The following AHNAK2 variants were observed in gnomAD, a reference collection of about 807,000 sequenced individuals.
The protein encoded by AHNAK2 is protein AHNAK2.
Under a neutral mutation model 30.7 loss-of-function variants are expected in AHNAK2, and 18 were observed. The observed-to-expected ratio is 0.59, with a 90% CI of 0.41 to 0.87. The LOEUF (loss-of-function observed/expected upper bound fraction) is 0.87. Ranked by LOEUF, AHNAK2 falls within the 40% of genes least tolerant of loss-of-function variation. AHNAK2 has a pLI of 0.00. For missense variants in AHNAK2, 8,604 were observed against 7,373.0 expected (o/e 1.17, Z -6.11); for synonymous variants, 3,590 against 3,073.8 (o/e 1.17, Z -5.56).
Position 104,944,818 on chromosome 14 carries a change from G to T in AHNAK2, c.10633C>A (p.Pro3545Thr), listed in dbSNP as rs746560407. Residue 3545 changes from proline to threonine, a missense_variant, in exon 7 of 7, where the codon CCC (proline) becomes ACC (threonine). Pro to Thr is a conservative substitution (Grantham distance 38, BLOSUM62 -1). Transcript: ENST00000333244. ...TTGAGGCCGGCTCCCTCGGGCACGG[G>T]GCCCTCCAGGAGTTCCACATCCACT... ...VQVDVELLEG[P>T]VPEGAGLKGH... The T allele has an allele frequency of 2.5e-6, 4 of 1,612,740 alleles. No homozygotes were observed. In the East Asian group the frequency reaches 8.9e-5, roughly 36 times the overall value.
Position 104,945,868 on chromosome 14 carries a change from G to A in AHNAK2, c.9583C>T (p.Pro3195Ser), listed in dbSNP as rs758990509. 6 of 1,329,436 alleles carry A rather than the reference G, an allele frequency of 4.5e-6. No homozygotes were observed. The highest frequency in any genetic ancestry group is 4.2e-5 in the African/African-American group (3 of 70,716). 82.4% of individuals were successfully genotyped at this position (1,329,436 alleles called of 1,614,324 possible). A position where few individuals can be genotyped will look rare whatever the true frequency, so the allele number is the denominator to read the frequency against. The stretch of plus-strand genomic sequence containing the variant: ...TGGACCTCCAGTTGGGCAGAGGGGG[G>A]CTCAATGCTGATGTCAGTGTTCTTC... ...DLKNTDISIE[P>S]PSAQLEVQAG... The change falls in exon 7 of 7, where the codon CCC (proline) becomes TCC (serine). Residue 3195 changes from proline (P) to serine (S), a missense_variant. By Grantham distance (74) the Pro-to-Ser change is moderately conservative. Coordinates refer to ENST00000333244, the MANE Select transcript of AHNAK2 (RefSeq NM_138420.4).
rs1297671194 is a variant in AHNAK2, at chr14:104,945,242, T to C, written c.10209A>G (p.Lys3403=). 1.2e-6 allele frequency: 2 copies of C among 1,612,652 alleles called. No individual in the cohort carries two copies. Among genetic ancestry groups the C allele is most frequent in the Non-Finnish European group, 8.5e-7 (1 of 1,179,470 alleles). Residue 3403 remains lysine (K), a synonymous_variant, in exon 7 of 7, where the codon AAA becomes AAG. Transcript: ENST00000333244. ...CCACCTGGGGGCTCTTGAGGTCCAC[T>C]TTGGGCATCTTGAAACTGGGCATCT... ...KVEMPSFKMP[K]VDLKSPQVDI... is the part of the protein sequence containing the mutation.
At position 104,949,437 on chromosome 14, in the gene AHNAK2, C is replaced by G. The variant is rs201724743; in HGVS notation, c.6014G>C (p.Arg2005Thr). Residue 2005 changes from arginine (R) to threonine (T), a missense_variant, in exon 7 of 7, where the codon AGG becomes ACG. Coordinates refer to ENST00000333244, the MANE Select transcript of AHNAK2 (RefSeq NM_138420.4). Reference protein sequence around the residue: ...MPSFGVSAPGRSIEASVDVPA... With the variant: ...MPSFGVSAPGTSIEASVDVPA... ...CACATCCACCGAGGCCTCGATGGAC[C>G]TCCCTGGGGCCGATACCCCGAACGA... The G allele has an allele frequency of 6.3e-7, 1 of 1,582,608 alleles. No homozygotes were observed. The highest frequency in any genetic ancestry group is 1.4e-5 in the African/African-American group (1 of 71,888).
chr14:104,958,705 T>C (rs1899049403), intron 1 of AHNAK2, among the ~76,000 whole-genome samples: 1 of 152,166 alleles, frequency 6.6e-6, no homozygotes, highest in Non-Finnish European at 1.5e-5. Flanking sequence ...GGGGGAAGAT[T>C]GTTTGAAGAA....
At chr14:104,970,334 CG>C in intron 1 of AHNAK2, 2 of 795,406 alleles carry the variant, frequency 2.5e-6, no homozygotes, top group South Asian at 5.7e-5. Flanking sequence ...AGCTGCAGGT[CG>C]GGGGATGCCT....
At position 104,950,501 on chromosome 14, in the gene AHNAK2, C is replaced by A. The variant is rs180896416; in HGVS notation, c.4950G>T (p.Ala1650=). 0.03 allele frequency: 47,999 copies of A among 1,578,078 alleles called. 5,680 individuals carry two copies. Among genetic ancestry groups the A allele is most frequent in the African/African-American group, 0.058 (4,165 of 71,264 alleles). The change falls in exon 7 of 7, where the codon GCG becomes GCT. Residue 1650 remains alanine (A), a synonymous_variant. Transcript: ENST00000333244. ...LEGDLSLADK[A]VTAKDSKFKM... ...TGAACTTGCTGTCTTTGGCAGTCAC[C>A]GCCTTGTCGGCCAGGGACAGGTCCC...
In AHNAK2 at chr14:104,944,223, A is replaced by G; in HGVS notation, c.11228T>C (p.Ile3743Thr). ...KVDLKGPQVD[I>T]KGPKLDLKVS... ...TTTTAGGTCCAGCTTGGGGCCCTTG[A>G]TGTCCACCTGGGGGCCCTTGAGGTC... Residue 3743 changes from isoleucine to threonine, a missense_variant, in exon 7 of 7, where the codon ATC becomes ACC. Physicochemically the swap from Ile to Thr is moderately conservative, Grantham distance 89. Coordinates refer to ENST00000333244, the MANE Select transcript of AHNAK2 (RefSeq NM_138420.4). The G allele has an allele frequency of 1.2e-6, 2 of 1,612,540 alleles. No individual in the cohort carries two copies. Among genetic ancestry groups the G allele is most frequent in the Non-Finnish European group, 1.7e-6 (2 of 1,179,404 alleles).
In AHNAK2 at chr14:104,946,404, G is replaced by A; in HGVS notation, c.9047C>T (p.Ser3016Phe). The part of the protein sequence containing the change: ...PKVEAEVSLP[S>F]MQGDLKTTDI... ...AGTGGTCTTCAGGTCCCCCTGCATGGAGGGGAGGCTCACTTCGGCCTCCAC... is the reference window on the plus strand; with the variant it reads ...AGTGGTCTTCAGGTCCCCCTGCATGAAGGGGAGGCTCACTTCGGCCTCCAC... Residue 3016 changes from serine to phenylalanine, a missense_variant, in exon 7 of 7, where the codon TCC (serine) becomes TTC (phenylalanine). By Grantham distance (155) the Ser-to-Phe change is radical. Coordinates refer to ENST00000333244, the MANE Select transcript of AHNAK2 (RefSeq NM_138420.4). 1 of 1,612,800 alleles carries A rather than the reference G, an allele frequency of 6.2e-7. No individual in the cohort carries two copies. The highest frequency in any genetic ancestry group is 8.5e-7 in the Non-Finnish European group (1 of 1,179,596).
In AHNAK2 at chr14:104,942,656, C is replaced by T. The variant is rs201463021; in HGVS notation, c.12795G>A (p.Glu4265=). ...PVVEVSLPSM[E]VDVEAPGAKL... Reference sequence around the variant, plus strand: ...TGGCTCCCGGGGCCTCGACGTCCACCTCCATGCTGGGCAGAGACACCTCCA... The same window carrying T: ...TGGCTCCCGGGGCCTCGACGTCCACTTCCATGCTGGGCAGAGACACCTCCA... The change falls in exon 7 of 7, where the codon GAG becomes GAA. Residue 4265 remains glutamate (E), a synonymous_variant. Transcript: ENST00000333244. The T allele has an allele frequency of 2.9e-5, 47 of 1,613,586 alleles. No individual in the cohort carries two copies. In the African/African-American group the frequency reaches 4.4e-4, roughly 15 times the overall value.
In AHNAK2 at chr14:104,947,297, C is replaced by T. The variant is rs2140841356; in HGVS notation, c.8154G>A (p.Glu2718=). 6.2e-7 allele frequency: 1 copy of T among 1,611,666 alleles called. No homozygotes were observed. The highest frequency in any genetic ancestry group is 8.5e-7 in the Non-Finnish European group (1 of 1,179,296). ...GGCCGGCTCCCTCGGGAACGTGGCCCTCTGGGAGTTTCACATCCACCTGGC... is the reference window on the plus strand; with the variant it reads ...GGCCGGCTCCCTCGGGAACGTGGCCTTCTGGGAGTTTCACATCCACCTGGC... ...QAGQVDVKLP[E]GHVPEGAGLK... The change falls in exon 7 of 7, where the codon GAG becomes GAA. Residue 2718 remains glutamate (E), a synonymous_variant. Transcript: ENST00000333244.
Position 104,943,523 on chromosome 14 carries a change from C to T in AHNAK2, c.11928G>A (p.Pro3976=), listed in dbSNP as rs778536189. 1.3e-5 allele frequency: 21 copies of T among 1,611,692 alleles called. No homozygotes were observed. The highest frequency in any genetic ancestry group is 1.1e-4 in the African/African-American group (8 of 74,270). ...TGCCTGGGGCAGACACCCCGAACGA[C>T]GGCATCTTGAACTTGGGCATTTTGA... ...SKFKMPKFKM[P]SFGVSAPGKS... The change falls in exon 7 of 7, where the codon CCG becomes CCA. Residue 3976 remains proline, a synonymous_variant. Coordinates refer to ENST00000333244, the MANE Select transcript of AHNAK2 (RefSeq NM_138420.4).
rs1339858246 is a variant in AHNAK2, at chr14:104,978,367, C to A, written c.-130G>T. The A allele has an allele frequency of 3.4e-6, 2 of 593,190 alleles. No homozygotes were observed. The highest frequency in any genetic ancestry group is 4.3e-6 in the Non-Finnish European group (2 of 463,834). 36.7% of individuals were successfully genotyped at this position (593,190 alleles called of 1,614,324 possible). ...CCCTGCGCTGCCGCGGGCGGCCGACCTCGGACTGCGGACACCGCGCGCCAG... is the reference window on the plus strand; with the variant it reads ...CCCTGCGCTGCCGCGGGCGGCCGACATCGGACTGCGGACACCGCGCGCCAG... On this transcript the variant is annotated 5_prime_UTR_variant, in exon 1 of 7. It adds an upstream start codon to the 5' untranslated region. Transcript: ENST00000333244.
rs1897997034 is a variant in AHNAK2, at chr14:104,941,769, A to G, written c.13682T>C (p.Leu4561Pro). ...CTTGACGTCCACCTGGGGGCCCTTG[A>G]GGTCCACTTTGGGCATCTTGAAACT... is the stretch of plus-strand genomic sequence containing the variant. ...MPSFKMPKVD[L>P]KGPQVDVKGP... The change falls in exon 7 of 7, where the codon CTC becomes CCC. Residue 4561 changes from leucine (L) to proline (P), a missense_variant. Physicochemically the swap from Leu to Pro is moderately conservative, Grantham distance 98 (BLOSUM62 -3). Coordinates refer to ENST00000333244, the MANE Select transcript of AHNAK2 (RefSeq NM_138420.4). 2 of 1,613,476 alleles carry G rather than the reference A, an allele frequency of 1.2e-6. No homozygotes were observed. Among genetic ancestry groups the G allele is most frequent in the African/African-American group, 2.7e-5 (2 of 74,814 alleles).
Position 104,952,619 on chromosome 14 carries a change from G to T in AHNAK2, c.2832C>A (p.Asp944Glu), listed in dbSNP as rs561039813. 9 of 1,612,498 alleles carry T rather than the reference G, an allele frequency of 5.6e-6. No individual in the cohort carries two copies. The South Asian group carries it at 9.9e-5, about 18-fold the overall frequency. ...PQIDVKGPKL[D>E]LKGPKAEVTA... ...TCACTTCCGCCTTGGGGCCTTTCAG[G>T]TCCAGCTTGGGGCCCTTAACATCTA... Residue 944 changes from aspartate (D) to glutamate (E), a missense_variant, in exon 7 of 7, where the codon GAC becomes GAA. Asp to Glu is a conservative substitution (Grantham distance 45, BLOSUM62 2). Transcript: ENST00000333244.
At chr14:104,970,530 C>G in intron 1 of AHNAK2, 1 of 985,552 alleles carries the variant, frequency 1.0e-6, no homozygotes, top group Non-Finnish European at 1.2e-6. Context: ...CTGCCACGCC[C>G]GGTTCTTCCC....
Position 104,939,262 on chromosome 14 carries a change from G to C in AHNAK2, c.16189C>G (p.Pro5397Ala), listed in dbSNP as rs3742935. Residue 5397 changes from proline to alanine, a missense_variant, in exon 7 of 7, where the codon CCT becomes GCT. Coordinates refer to ENST00000333244, the MANE Select transcript of AHNAK2 (RefSeq NM_138420.4). ...PKLMVPRFSF[P>A]APSSEDDVFI... ...ACATCATCCTCTGAGCTGGGGGCAG[G>C]GAAGGAGAACCTTGGTACCATTAAT... 0.54 allele frequency: 874,910 copies of C among 1,613,474 alleles called. 240,056 individuals are homozygous for C. The highest frequency in any genetic ancestry group is 0.67 in the Middle Eastern group (4,073 of 6,062).
Position 104,943,488 on chromosome 14 carries a change from T to G in AHNAK2, c.11963A>C (p.Glu3988Ala), listed in dbSNP as rs1246011907. The G allele has an allele frequency of 1.2e-6, 2 of 1,612,940 alleles. No homozygotes were observed. Among genetic ancestry groups the G allele is most frequent in the South Asian group, 1.1e-5 (1 of 91,034 alleles). Reference protein sequence around the residue: ...FGVSAPGKSMEASVDVTAPKV... With the variant: ...FGVSAPGKSMAASVDVTAPKV... ...TGGCGCGGTCACATCCACTGATGCC[T>G]CCATGGACTTGCCTGGGGCAGACAC... The change falls in exon 7 of 7, where the codon GAG becomes GCG. Residue 3988 changes from glutamate to alanine, a missense_variant. Glu to Ala is a moderately radical substitution (Grantham distance 107). Coordinates refer to ENST00000333244, the MANE Select transcript of AHNAK2 (RefSeq NM_138420.4).
chr14:104,971,159 G>T (rs1294750612), intron 1 of AHNAK2, among the ~76,000 whole-genome samples: 1 of 152,216 alleles, frequency 6.6e-6, no homozygotes, highest in East Asian at 1.9e-4. Context: ...CTCTCACCCA[G>T]GTTGGAGTGC....
chr14:104,957,700 A>G, intron 1 of AHNAK2, 28 bp from the exon 2 acceptor site: 1 of 1,601,452 alleles, frequency 6.2e-7, no homozygotes, highest in South Asian at 1.1e-5. Context: ...GTCAGTGGAG[A>G]CAAGCAGGCT....
Sources: allele counts gnomAD v4.1 joint callset (sites outside exome capture counted in the v4.1 genomes callset), GRCh38; gene constraint gnomAD v4.1.1; transcripts MANE v1.5; gene names NCBI Gene and HGNC (gene_info 2026-07-23, HGNC 2026-07-21).